Variants in HSD17B2 observed in about 807,000 individuals in gnomAD.
HSD17B2 encodes the protein 17-beta-hydroxysteroid dehydrogenase type 2.
A neutral mutation model predicts 26.9 loss-of-function variants in HSD17B2; 32 were observed. The observed-to-expected ratio is 1.19, with a 90% CI of 0.90 to 1.60. The LOEUF (loss-of-function observed/expected upper bound fraction) is 1.60. HSD17B2 is among the 40% of genes most tolerant of loss of function. The pLI, the probability that HSD17B2 is intolerant of heterozygous loss-of-function variation, is 0.00. For missense variants in HSD17B2, 613 were observed against 468.6 expected (o/e 1.31, Z -2.85); for synonymous variants, 246 against 186.7 (o/e 1.32, Z -2.59).
At chr16:82,037,310 C>A (rs1913649687) in intron 1 of HSD17B2, among the ~76,000 whole-genome samples, 1 of 152,196 alleles carries the variant, frequency 6.6e-6, no homozygotes, top group African/African-American at 2.4e-5. Flanking sequence ...GCTATGTGCT[C>A]ATATCATCCT....
chr16:82,057,918 A>C (rs1027411283), intron 1 of HSD17B2, among the ~76,000 whole-genome samples: 5 of 152,208 alleles, frequency 3.3e-5, no homozygotes, highest in Non-Finnish European at 7.3e-5. Flanking sequence ...CAATGTCCTG[A>C]ACAGGATCCT....
chr16:82,096,358 G>A (rs747119065), intron 4 of HSD17B2: 1 of 152,068 alleles, frequency 6.6e-6, no homozygotes, highest in Non-Finnish European at 1.5e-5. Flanking sequence ...AGGTAGCTGG[G>A]ATTCCAGGCA....
intron 3 of HSD17B2, among the ~76,000 whole-genome samples, chr16:82,083,892 A>G (rs904080139): frequency 5.3e-5 from 8 of 152,186 alleles, no homozygotes; most frequent in African/African-American, 1.9e-4. Flanking sequence ...AGGCAGTTGG[A>G]TAAATATTTA....
At chr16:82,069,115 C>T (rs1390585493) in intron 2 of HSD17B2, among the ~76,000 whole-genome samples, 1 of 152,150 alleles carries the variant, frequency 6.6e-6, no homozygotes, top group East Asian at 1.9e-4. Flanking sequence ...CACCATGCGT[C>T]CATGTGTTCT....
chr16:82,069,155 A>G (rs1041485621), intron 2 of HSD17B2, among the ~76,000 whole-genome samples: 7 of 152,078 alleles, frequency 4.6e-5, no homozygotes, highest in Admixed American at 1.3e-4. Context: ...ATAAGTGAGA[A>G]CGTGTGGTGT....
At chr16:82,089,689 C>A (rs1302875493) in intron 3 of HSD17B2, among the ~76,000 whole-genome samples, 1 of 152,172 alleles carries the variant, frequency 6.6e-6, no homozygotes, top group African/African-American at 2.4e-5. Context: ...CTGTCCTTGC[C>A]CCTTTCAGCT....
chr16:82,055,654 T>C lies in HSD17B2; in HGVS notation c.266-12516T>C, dbSNP rs139023686. 1.9e-3 allele frequency among the ~76,000 whole-genome samples: 287 copies of C among 152,308 alleles called. 1 individual carries two copies. Among genetic ancestry groups the C allele is most frequent in the African/African-American group, 6.6e-3 (273 of 41,564 alleles). ...CACAGTGGGCAAATGATAGAAGTTA[T>C]TGACATCCAGACAGCGTACTGTATC... On this transcript the variant is annotated intron_variant, in intron 1 of 4. Coordinates refer to ENST00000199936, the MANE Select transcript of HSD17B2 (RefSeq NM_002153.3).
intron 1 of HSD17B2, among the ~76,000 whole-genome samples, chr16:82,041,953 A>T (rs1016956009): frequency 7.9e-5 from 12 of 151,520 alleles, no homozygotes; most frequent in African/African-American, 2.9e-4. Flanking sequence ...TTTAAAAAAA[A>T]TTTATCATCT....
Position 82,035,801 on chromosome 16 carries a change from T to C in HSD17B2, c.265+112T>C, listed in dbSNP as rs1040166705. ...AATAAAATACTTGGCATGGAGTAAATGAAAGCCCTCACCCAAGTATTTTTC... is the reference window on the plus strand; with the variant it reads ...AATAAAATACTTGGCATGGAGTAAACGAAAGCCCTCACCCAAGTATTTTTC... On this transcript the variant is annotated intron_variant, in intron 1 of 4. Coordinates refer to ENST00000199936, the MANE Select transcript of HSD17B2 (RefSeq NM_002153.3). 6 of 1,139,570 alleles carry C rather than the reference T, an allele frequency of 5.3e-6. No homozygotes were observed. In the South Asian group the frequency reaches 5.8e-5, roughly 11 times the overall value. 70.6% of individuals were successfully genotyped at this position (1,139,570 alleles called of 1,614,324 possible). A position where few individuals can be genotyped will look rare whatever the true frequency, so the allele number is the denominator to read the frequency against.
chr16:82,044,992 C>A (rs1913877423), intron 1 of HSD17B2, among the ~76,000 whole-genome samples: 1 of 151,796 alleles, frequency 6.6e-6, no homozygotes, highest in Non-Finnish European at 1.5e-5. Flanking sequence ...GTGGTGTGCA[C>A]CTGTAATCCT....
chr16:82,039,502 T>C (rs562926349), intron 1 of HSD17B2, among the ~76,000 whole-genome samples: 17 of 152,208 alleles, frequency 1.1e-4, no homozygotes, highest in Admixed American at 7.2e-4. Context: ...TAAATATTCA[T>C]TGAGGGCCCA....
chr16:82,062,170 C>T (rs982149786), intron 1 of HSD17B2, among the ~76,000 whole-genome samples: 1 of 152,206 alleles, frequency 6.6e-6, no homozygotes, highest in East Asian at 1.9e-4. Context: ...CCCTTTTGCA[C>T]ATAAACTGAG....
chr16:82,072,784 G>T (rs556766314), intron 3 of HSD17B2, among the ~76,000 whole-genome samples: 2 of 152,170 alleles, frequency 1.3e-5, no homozygotes, highest in African/African-American at 4.8e-5. Context: ...GGCCAGGTGC[G>T]GTGGCTCAAG....
At chr16:82,052,220 G>A (rs529034772) in intron 1 of HSD17B2, 49 of 152,380 alleles carry the variant, frequency 3.2e-4, no homozygotes, top group African/African-American at 1.2e-3. Context: ...TGGGGAGGCT[G>A]TGCCCCTCTC....
At chr16:82,069,039 C>G (rs1001240932) in intron 2 of HSD17B2, among the ~76,000 whole-genome samples, 1 of 152,162 alleles carries the variant, frequency 6.6e-6, no homozygotes, top group Non-Finnish European at 1.5e-5. Context: ...GCCCAGGATT[C>G]ATTAGCTATT....
At chr16:82,074,459 G>A (rs1019394900) in intron 3 of HSD17B2, among the ~76,000 whole-genome samples, 5 of 152,204 alleles carry the variant, frequency 3.3e-5, no homozygotes, top group Admixed American at 1.3e-4. Context: ...CAACAGGGCC[G>A]GGAGTTTGTG....
At chr16:82,081,284 T>A (rs965692807) in intron 3 of HSD17B2, among the ~76,000 whole-genome samples, 1 of 152,158 alleles carries the variant, frequency 6.6e-6, no homozygotes, top group Non-Finnish European at 1.5e-5. Context: ...TGTTCCCGCA[T>A]GAACTTCCCT....
intron 1 of HSD17B2, among the ~76,000 whole-genome samples, chr16:82,066,475 G>A (rs184681130): frequency 1.3e-4 from 20 of 152,150 alleles, no homozygotes; most frequent in African/African-American, 3.6e-4. Context: ...TACACTTAGA[G>A]GACTGACCAG....
chr16:82,046,143 G>C (rs1393803086), intron 1 of HSD17B2, among the ~76,000 whole-genome samples: 1 of 152,204 alleles, frequency 6.6e-6, no homozygotes, highest in Non-Finnish European at 1.5e-5. Context: ...CATGTTTTCA[G>C]TACCAATTGC....
Sources: gnomAD v4.1 joint callset for allele counts (sites outside exome capture counted in the v4.1 genomes callset) on GRCh38, gnomAD v4.1.1 for gene constraint, MANE v1.5 for transcripts, NCBI Gene and HGNC (gene_info 2026-07-23, HGNC 2026-07-21) for gene names.